The following SIMC1 variants were observed in gnomAD, a reference collection of about 807,000 sequenced individuals.
SIMC1 encodes the protein SUMO interacting motifs containing 1, also known as SUMO-interacting motif-containing protein 1.
A neutral mutation model predicts 82.3 loss-of-function variants in SIMC1; 55 were observed. The ratio of observed to expected loss-of-function variants is 0.67; its 90% CI spans 0.54 to 0.84. The LOEUF (loss-of-function observed/expected upper bound fraction) is 0.84, where lower values mean the gene tolerates loss of function less well. SIMC1 is among the 40% of genes least tolerant of loss of function. The probability of loss-of-function intolerance (pLI) is 0.00; values close to 1 mark genes in which losing one functional copy is unlikely to be tolerated. For synonymous variants in SIMC1, 353 were observed against 426.3 expected, an observed-to-expected ratio of 0.83 and a Z score of 2.12; for missense variants, 915 against 1,107.2, an observed-to-expected ratio of 0.83 and a Z score of 2.46.
chr5:176,311,900 G>A (rs947343361), intron 4 of SIMC1, among the ~76,000 whole-genome samples: 1 of 152,150 alleles, frequency 6.6e-6, no homozygotes, highest in Admixed American at 6.6e-5. Flanking sequence ...ATAAAGTTTG[G>A]GAGATGAAAA....
rs901968508 is a variant in SIMC1, at chr5:176,259,450, GAA to G, written c.129+20823_129+20824del. Among the ~76,000 whole-genome samples, 5 of 144,666 alleles carry G rather than the reference GAA, an allele frequency of 3.5e-5. No individual in the cohort carries two copies. In the South Asian group the frequency reaches 6.6e-4, roughly 19 times the overall value. The allele number at this position is 144,666 out of a possible 152,430, so 94.9% of individuals were successfully genotyped here. ...GGGTGACAGAGCGAGACTCCATCTGGAAAAAAAAAAATTATAAACATTATTTT... is the reference window on the plus strand; with the variant it reads ...GGGTGACAGAGCGAGACTCCATCTGGAAAAAAAAATTATAAACATTATTTT... On this transcript the variant is annotated intron_variant, in intron 1 of 9. Transcript: ENST00000429602.
At chr5:176,258,650 A>G (rs1188589872) in intron 1 of SIMC1, among the ~76,000 whole-genome samples, 1 of 151,174 alleles carries the variant, frequency 6.6e-6, no homozygotes, top group Non-Finnish European at 1.5e-5. Context: ...GCAGTGGCAC[A>G]ATCGCATAAG....
chr5:176,305,620 G>C (rs1427966094), intron 4 of SIMC1, among the ~76,000 whole-genome samples: 9 of 141,952 alleles, frequency 6.3e-5, no homozygotes, highest in Admixed American at 5.4e-4. Context: ...CCCCGTCTGG[G>C]AGGTGAGGGG....
chr5:176,345,118 T>G, intron 9 of SIMC1, 65 bp from the exon 10 acceptor site: 1 of 1,546,172 alleles, frequency 6.5e-7, no homozygotes, highest in Non-Finnish European at 8.7e-7. Context: ...CTACCAAAAT[T>G]AGACTTCTTA....
chr5:176,292,266 C>T (rs535643569), intron 2 of SIMC1, among the ~76,000 whole-genome samples: 2 of 152,200 alleles, frequency 1.3e-5, no homozygotes, highest in South Asian at 2.1e-4. Flanking sequence ...GAGAAGTAAA[C>T]TAGATGTGTT....
In SIMC1 at chr5:176,260,696, A is replaced by G. The variant is rs377179494; in HGVS notation, c.129+22059A>G. 3.9e-5 allele frequency among the ~76,000 whole-genome samples: 6 copies of G among 152,198 alleles called. No individual in the cohort carries two copies. The South Asian group carries it at 1.2e-3, about 32-fold the overall frequency. ...TATGTCTTTTTTTATTTTAATATAT[A>G]CCACTATTGTGGACATTATGTCATT... On this transcript the variant is annotated intron_variant, in intron 1 of 9. Transcript: ENST00000429602.
At chr5:176,251,586 C>CTT (rs1177468716) in intron 1 of SIMC1, among the ~76,000 whole-genome samples, 4 of 139,894 alleles carry the variant, frequency 2.9e-5, no homozygotes, top group Non-Finnish European at 4.7e-5. Context: ...ATTTTCTTTT[C>CTT]TTTTTTTTTT....
intron 1 of SIMC1, among the ~76,000 whole-genome samples, chr5:176,257,559 C>T (rs1761886692): frequency 6.6e-6 from 1 of 152,168 alleles, no homozygotes; most frequent in East Asian, 1.9e-4. Context: ...CTCTCAATAG[C>T]TCATTATTGT....
In SIMC1 at chr5:176,242,223, C is replaced by T. The variant is rs1581209424; in HGVS notation, c.129+3586C>T. 2.0e-5 allele frequency among the ~76,000 whole-genome samples: 3 copies of T among 151,966 alleles called. No homozygotes were observed. In the East Asian group the frequency reaches 5.8e-4, roughly 29 times the overall value. On this transcript the variant is annotated intron_variant, in intron 1 of 9. Transcript: ENST00000429602. ...GTAGGACATTATTATCACGGTAGTA[C>T]AGTGTAGTCTATGGTAAATTTTATG...
chr5:176,302,962 A>G (rs1164172621), intron 4 of SIMC1, among the ~76,000 whole-genome samples: 1 of 152,208 alleles, frequency 6.6e-6, no homozygotes, highest in Non-Finnish European at 1.5e-5. Flanking sequence ...TATGGTTAAG[A>G]TGTCAGTACT....
At chr5:176,243,335 T>C (rs1343641645) in intron 1 of SIMC1, among the ~76,000 whole-genome samples, 1 of 152,104 alleles carries the variant, frequency 6.6e-6, no homozygotes, top group Admixed American at 6.5e-5. Flanking sequence ...TGAGCATGAC[T>C]TACTGGAAGA....
At chr5:176,339,342 C>T (rs912055604) in intron 9 of SIMC1, among the ~76,000 whole-genome samples, 5 of 151,994 alleles carry the variant, frequency 3.3e-5, no homozygotes, top group Admixed American at 6.5e-5. Flanking sequence ...CCAGCCCTGG[C>T]GACAGAGTGA....
Position 176,289,713 on chromosome 5 carries a change from T to C in SIMC1, c.189T>C (p.Tyr63=). The C allele has an allele frequency of 6.2e-7, 1 of 1,613,400 alleles. No homozygotes were observed. Among genetic ancestry groups the C allele is most frequent in the Non-Finnish European group, 8.5e-7 (1 of 1,179,658 alleles). Residue 63 remains tyrosine (Y), a synonymous_variant, in exon 2 of 10, where the codon TAT becomes TAC. Transcript: ENST00000429602. ...GGACAAAAGATCGCAGTGGACTGTATGTGATTGACCTGACAAGAGCTGAGG... is the reference window on the plus strand; with the variant it reads ...GGACAAAAGATCGCAGTGGACTGTACGTGATTGACCTGACAAGAGCTGAGG... The part of the protein sequence containing the change: ...RPRTKDRSGL[Y]VIDLTRAEGE...
At chr5:176,311,941 G>A (rs937632228) in intron 4 of SIMC1, among the ~76,000 whole-genome samples, 1 of 152,204 alleles carries the variant, frequency 6.6e-6, no homozygotes, top group Non-Finnish European at 1.5e-5. Flanking sequence ...AGCAGGGCTG[G>A]TGTAACATCC....
intron 7 of SIMC1, among the ~76,000 whole-genome samples, chr5:176,332,906 CT>C (rs1403429773): frequency 1.6e-4 from 24 of 152,154 alleles, no homozygotes; most frequent in Admixed American, 1.5e-3. Context: ...CTCTTCTTGC[CT>C]TTTTATAGCC....
At chr5:176,251,283 G>A (rs978569032) in intron 1 of SIMC1, among the ~76,000 whole-genome samples, 3 of 152,162 alleles carry the variant, frequency 2.0e-5, no homozygotes, top group Non-Finnish European at 4.4e-5. Context: ...TGGCTTGAAC[G>A]TGGGAGGCAG....
chr5:176,273,405 G>C (rs1464218051), intron 1 of SIMC1, among the ~76,000 whole-genome samples: 1 of 152,074 alleles, frequency 6.6e-6, no homozygotes, highest in Non-Finnish European at 1.5e-5. Context: ...AAACAGAAAG[G>C]ACATTCACAC....
intron 1 of SIMC1, among the ~76,000 whole-genome samples, chr5:176,285,459 A>C (rs1203825942): frequency 1.3e-5 from 2 of 152,254 alleles, no homozygotes; most frequent in East Asian, 3.8e-4. Flanking sequence ...AAAAACTCTC[A>C]ATAAATTAGT....
intron 1 of SIMC1, among the ~76,000 whole-genome samples, chr5:176,274,680 G>C (rs574477476): frequency 6.6e-6 from 1 of 151,848 alleles, no homozygotes; most frequent in Admixed American, 6.6e-5. Flanking sequence ...ATTGATTTTC[G>C]TATAAGGTGT....
Sources: gnomAD v4.1 joint callset for allele counts (sites outside exome capture counted in the v4.1 genomes callset) on GRCh38, gnomAD v4.1.1 for gene constraint, MANE v1.5 for transcripts, NCBI Gene and HGNC (gene_info 2026-07-23, HGNC 2026-07-21) for gene names.